LRRC37A: variants seen among roughly 807,000 people sequenced by gnomAD.
The protein encoded by LRRC37A is leucine rich repeat containing 37A.
Under a neutral mutation model 35.4 loss-of-function variants are expected in LRRC37A, and 3 were observed. The ratio of observed to expected loss-of-function variants is 0.08; its 90% confidence interval spans 0.04 to 0.22. The LOEUF (loss-of-function observed/expected upper bound fraction) is 0.22. LRRC37A is among the 10% of genes least tolerant of loss of function. The pLI, the probability that LRRC37A is intolerant of heterozygous loss-of-function variation, is 1.00. For synonymous variants in LRRC37A, 23 were observed against 215.0 expected, an observed-to-expected ratio of 0.11 and a Z score of 7.81; for missense variants, 67 against 565.3, an observed-to-expected ratio of 0.12 and a Z score of 8.94.
chr17:46,272,030 G>T, the LRRC37A span, among the ~76,000 whole-genome samples: 5 of 152,248 alleles, frequency 3.3e-5, no homozygotes, highest in Admixed American at 6.5e-5. Flanking sequence ...AGAGTGCTGG[G>T]ATTATAGGCG....
chr17:46,249,859 C>CAGTG, the LRRC37A span, among the ~76,000 whole-genome samples: 2 of 152,214 alleles, frequency 1.3e-5, no homozygotes, highest in African/African-American at 2.4e-5. Context: ...GGCTGGAGTG[C>CAGTG]AGTGGCATGA....
chr17:46,266,755 G>A, the LRRC37A span, among the ~76,000 whole-genome samples: 1 of 152,052 alleles, frequency 6.6e-6, no homozygotes, highest in Non-Finnish European at 1.5e-5. Flanking sequence ...GGGAGGGGGC[G>A]CCCAGGCCTC....
At chr17:46,287,030 T>C in the LRRC37A span, among the ~76,000 whole-genome samples, 4 of 152,362 alleles carry the variant, frequency 2.6e-5, no homozygotes, top group South Asian at 8.3e-4. Context: ...TACTTAAATC[T>C]GTCTTCCCTG....
chr17:46,273,524 G>A, the LRRC37A span, among the ~76,000 whole-genome samples: 84 of 152,336 alleles, frequency 5.5e-4, no homozygotes, highest in African/African-American at 2.0e-3. Flanking sequence ...TCTGGGAAAG[G>A]TTTTGCATAG....
At chr17:46,280,501 C>A in the LRRC37A span, among the ~76,000 whole-genome samples, 1 of 152,014 alleles carries the variant, frequency 6.6e-6, no homozygotes, top group Non-Finnish European at 1.5e-5. Context: ...ATAGCAAGAC[C>A]CTGTCCCTAA....
the LRRC37A span, among the ~76,000 whole-genome samples, chr17:46,280,022 G>A: frequency 1.3e-5 from 2 of 152,206 alleles, no homozygotes; most frequent in Non-Finnish European, 2.9e-5. Flanking sequence ...ATGTCACCTT[G>A]AGTCAGAGTA....
At chr17:46,268,413 T>C in the LRRC37A span, 4 of 969,664 alleles carry the variant, frequency 4.1e-6, no homozygotes, top group Non-Finnish European at 5.6e-6. Context: ...GATAGTAGAT[T>C]GCAGCTTAGG....
chr17:46,290,123 C>CAAAAT (rs1015698097), upstream of LRRC37A, among the ~76,000 whole-genome samples: 1 of 132,026 alleles, frequency 7.6e-6, no homozygotes, highest in Non-Finnish European at 1.8e-5. Context: ...TGTCTTAAAA[C>CAAAAT]AAAACAAAAC....
chr17:46,268,596 G>C, the LRRC37A span: 5 of 1,543,538 alleles, frequency 3.2e-6, no homozygotes, highest in South Asian at 4.8e-5. Flanking sequence ...TCTCTGTCCA[G>C]GGGATGGACT....
intron 9 of LRRC37A, 26 bp from the exon 10 acceptor site, chr17:46,332,526 T>G (rs761983793): frequency 1.4e-6 from 2 of 1,428,610 alleles, no homozygotes; most frequent in African/African-American, 3.1e-5. Context: ...TCATTCTGGT[T>G]TTTTTTTGTG....
the LRRC37A span, among the ~76,000 whole-genome samples, chr17:46,266,784 G>C: frequency 7.9e-5 from 12 of 151,948 alleles, no homozygotes; most frequent in Admixed American, 7.2e-4. Context: ...GCCGACAACC[G>C]GGCCACCTTC....
rs1476555198 is a variant in LRRC37A, at chr17:46,333,637, CTGTG to C, written c.4809+985_4809+988del. Among the ~76,000 whole-genome samples, 8 of 37,968 alleles carry C rather than the reference CTGTG, an allele frequency of 2.1e-4. 2 individuals are homozygous for C. Among genetic ancestry groups the C allele is most frequent in the African/African-American group, 3.3e-4 (8 of 24,092 alleles). The allele number at this position is 37,968 out of a possible 152,430, so 24.9% of individuals were successfully genotyped here. A position where few individuals can be genotyped will look rare whatever the true frequency, so the allele number is the denominator to read the frequency against. On this transcript the variant is annotated intron_variant, in intron 10 of 13. Transcript: ENST00000320254. ...ACACCACCCACATTTCTGCTTTTGT[CTGTG>C]TGTTTGTCCATCTAAAATGCCCTTA... is the stretch of plus-strand genomic sequence containing the variant.
chr17:46,260,436 T>G, the LRRC37A span: 1 of 1,557,892 alleles, frequency 6.4e-7, no homozygotes, highest in Non-Finnish European at 8.7e-7. Flanking sequence ...AGCCGCCCGA[T>G]GAACACCTCT....
At chr17:46,265,299 TC>T in the LRRC37A span, among the ~76,000 whole-genome samples, 4 of 136,406 alleles carry the variant, frequency 2.9e-5, no homozygotes, top group African/African-American at 8.1e-5. Flanking sequence ...TTCTTCTTCT[TC>T]TTCTTCTTCT....
intron 5 of LRRC37A, among the ~76,000 whole-genome samples, chr17:46,317,079 A>C (rs1250204671): frequency 3.6e-5 from 3 of 83,788 alleles, no homozygotes; most frequent in Non-Finnish European, 3.5e-5. Context: ...TTTTCTATTC[A>C]ACAAAACCGC....
At chr17:46,282,667 C>T in the LRRC37A span, among the ~76,000 whole-genome samples, 2 of 152,042 alleles carry the variant, frequency 1.3e-5, no homozygotes, top group African/African-American at 4.8e-5. Context: ...AGCTATTCTC[C>T]CCACTCGGCT....
the LRRC37A span, among the ~76,000 whole-genome samples, chr17:46,283,158 T>C: frequency 6.6e-6 from 1 of 152,216 alleles, no homozygotes. Flanking sequence ...ACAATTCAAC[T>C]GTAATAGATA....
the LRRC37A span, among the ~76,000 whole-genome samples, chr17:46,255,537 T>C: frequency 6.6e-6 from 1 of 150,984 alleles, no homozygotes; most frequent in Non-Finnish European, 1.5e-5. Flanking sequence ...CGGCTAATTT[T>C]GTATTTTTAG....
chr17:46,332,318 T>C (rs1188653036), intron 9 of LRRC37A, among the ~76,000 whole-genome samples: 1 of 70,400 alleles, frequency 1.4e-5, no homozygotes, highest in African/African-American at 7.3e-5. Flanking sequence ...GCTGGGTTGA[T>C]GACACGTGCC....
Sources: allele counts gnomAD v4.1 joint callset (sites outside exome capture counted in the v4.1 genomes callset), GRCh38; gene constraint gnomAD v4.1.1; transcripts MANE v1.5; gene names NCBI Gene and HGNC (gene_info 2026-07-23, HGNC 2026-07-21).